SRFBP1: variants seen among roughly 807,000 people sequenced by gnomAD.
SRFBP1 encodes the protein serum response factor binding protein 1.
In SRFBP1, 47 loss-of-function variants were observed where a neutral mutation model predicts 45.5. The observed-to-expected ratio is 1.03, with a 90% CI of 0.82 to 1.32. SRFBP1 has a LOEUF of 1.32. Ranked by LOEUF, SRFBP1 falls within the 40% of genes most tolerant of loss-of-function variation. The probability of loss-of-function intolerance (pLI) is 0.00; values close to 1 mark genes in which losing one functional copy is unlikely to be tolerated. For synonymous variants in SRFBP1, 203 were observed against 166.3 expected (o/e 1.22, Z -1.70); for missense variants, 621 against 484.6 (o/e 1.28, Z -2.64).
chr5:122,018,910 GTCT>G (rs1348394860), intron 4 of SRFBP1, among the ~76,000 whole-genome samples: 4 of 152,054 alleles, frequency 2.6e-5, no homozygotes, highest in Admixed American at 1.3e-4. Context: ...TATTAATTTA[GTCT>G]TCTTAATTAG....
At chr5:122,037,743 C>T (rs1753716117) in intron 2 of SRFBP1, among the ~76,000 whole-genome samples, 1 of 151,970 alleles carries the variant, frequency 6.6e-6, no homozygotes, top group African/African-American at 2.4e-5. Flanking sequence ...ATCTCAAACG[C>T]CTGGCTTCAA....
At chr5:122,022,509 T>G (rs1455944493) in intron 7 of SRFBP1, 102 bp downstream of exon 7, 3 of 925,518 alleles carry the variant, frequency 3.2e-6, no homozygotes, top group African/African-American at 3.4e-5. Context: ...CTGAATGAAT[T>G]ATGTACCCAC....
rs186198465 is a variant in SRFBP1 at position 122,050,022 on chromosome 5, T to A, written n.312-25293T>A. Among the ~76,000 whole-genome samples, 252 of 152,288 alleles carry A rather than the reference T, an allele frequency of 1.7e-3. 2 individuals are homozygous for A. Among genetic ancestry groups the A allele is most frequent in the East Asian group, 3.1e-3 (16 of 5,190 alleles). ...ATAATCACGTGGTTATTATTTGTAG[T>A]TCTGCTTATGTGATTAATCATATTT... On this transcript the variant is annotated intron_variant and non_coding_transcript_variant, in intron 2 of 2. Transcript: ENST00000504881.
At chr5:122,048,192 T>C (rs1261534076) in intron 2 of SRFBP1, among the ~76,000 whole-genome samples, 1 of 152,222 alleles carries the variant, frequency 6.6e-6, no homozygotes, top group Non-Finnish European at 1.5e-5. Context: ...TTGTCGTAGA[T>C]AGCTCTTATT....
At chr5:122,017,104 CT>C (rs1728316716) in intron 4 of SRFBP1, among the ~76,000 whole-genome samples, 1 of 152,128 alleles carries the variant, frequency 6.6e-6, no homozygotes, top group Non-Finnish European at 1.5e-5. Flanking sequence ...TGGCGGGTGC[CT>C]GTAGTCCCAG....
In SRFBP1 at chr5:122,020,640, C is replaced by G. The variant is rs1298035997; in HGVS notation, c.905C>G (p.Ser302Cys). Residue 302 changes from serine to cysteine, a missense_variant, in exon 6 of 8, where the codon TCT becomes TGT. By Grantham distance (112) the Ser-to-Cys change is moderately radical. Transcript: ENST00000339397. ...RTRKKESSCH[S>C]SVKEQKPLEK... ...CGAAAGAAGGAAAGTAGTTGTCATT[C>G]TTCAGTTAAGGAACAAAAACCACTA... 2 of 1,613,982 alleles carry G rather than the reference C, an allele frequency of 1.2e-6. No individual in the cohort carries two copies. The highest frequency in any genetic ancestry group is 2.2e-5 in the South Asian group (2 of 91,046).
intron 4 of SRFBP1, among the ~76,000 whole-genome samples, chr5:122,009,419 TC>T (rs1021668212): frequency 3.3e-5 from 5 of 152,132 alleles, no homozygotes; most frequent in African/African-American, 7.2e-5. Flanking sequence ...CTCTTTCTTT[TC>T]CCCCCTTTTC....
intron 2 of SRFBP1, among the ~76,000 whole-genome samples, chr5:122,041,683 ACT>A (rs1291120450): frequency 1.3e-5 from 2 of 151,470 alleles, no homozygotes; most frequent in Non-Finnish European, 2.9e-5. Flanking sequence ...ACCTTACAAA[ACT>A]CTCATTATTT....
intron 1 of SRFBP1, among the ~76,000 whole-genome samples, chr5:121,964,215 C>CT (rs1752012380): frequency 6.6e-6 from 1 of 151,752 alleles, no homozygotes; most frequent in African/African-American, 2.4e-5. Context: ...TATATGTATA[C>CT]TTTAAGTTCT....
chr5:121,999,678 T>C (rs1204364301), intron 4 of SRFBP1, among the ~76,000 whole-genome samples: 1 of 152,108 alleles, frequency 6.6e-6, no homozygotes, highest in Non-Finnish European at 1.5e-5. Flanking sequence ...TCCTTTATAA[T>C]TATGTAATGG....
intron 2 of SRFBP1, among the ~76,000 whole-genome samples, chr5:122,049,089 CT>C (rs1446200017): frequency 1.3e-5 from 2 of 152,026 alleles, no homozygotes; most frequent in African/African-American, 4.8e-5. Flanking sequence ...CTTCTGCTAG[CT>C]TTTGAATGTG....
rs985456608 is a variant in SRFBP1 at position 122,020,402 on chromosome 5, G to A, written c.667G>A (p.Ala223Thr). 3.7e-6 allele frequency: 6 copies of A among 1,613,954 alleles called. No homozygotes were observed. In the African/African-American group the frequency reaches 8.0e-5, roughly 22 times the overall value. Residue 223 changes from alanine (A) to threonine (T), a missense_variant, in exon 6 of 8, where the codon GCT (alanine) becomes ACT (threonine). Coordinates refer to ENST00000339397, the MANE Select transcript of SRFBP1 (RefSeq NM_152546.3). The part of the protein sequence containing the change: ...VVSLESQKTP[A>T]DPKLKTLSQT... Reference sequence around the variant, plus strand: ...TTCCCTTGAGTCCCAGAAGACACCTGCTGACCCAAAACTGAAAACTCTAAG... The same window carrying A: ...TTCCCTTGAGTCCCAGAAGACACCTACTGACCCAAAACTGAAAACTCTAAG...
In SRFBP1 at chr5:121,975,345, A is replaced by C. The variant is rs762040289; in HGVS notation, c.156A>C (p.Gln52His). 12 of 1,613,286 alleles carry C rather than the reference A, an allele frequency of 7.4e-6. No individual in the cohort carries two copies. In the African/African-American group the frequency reaches 1.6e-4, roughly 22 times the overall value. Residue 52 changes from glutamine to histidine, a missense_variant, in exon 3 of 8, where the codon CAA becomes CAC. Physicochemically the swap from Gln to His is conservative, Grantham distance 24. Coordinates refer to ENST00000339397, the MANE Select transcript of SRFBP1 (RefSeq NM_152546.3). The stretch of plus-strand genomic sequence containing the variant: ...CTGAAGATGCACTGTTAAAAAACCA[A>C]AGACGGGCGCAAAGATTGCTTGAAG... Reference protein sequence around the residue: ...KGTEDALLKNQRRAQRLLEEI... With the variant: ...KGTEDALLKNHRRAQRLLEEI...
chr5:122,070,629 T>G, intron 2 of SRFBP1: 2 of 1,052,060 alleles, frequency 1.9e-6, no homozygotes, highest in Non-Finnish European at 2.9e-6. Context: ...TTATGGTATG[T>G]GGTCAGACTA....
intron 3 of SRFBP1, among the ~76,000 whole-genome samples, chr5:121,986,125 A>G (rs886513691): frequency 1.3e-5 from 2 of 152,028 alleles, no homozygotes; most frequent in Non-Finnish European, 2.9e-5. Flanking sequence ...TAGAAGAGAA[A>G]GAACTAGCAA....
At chr5:122,077,211 T>C, downstream of SRFBP1, 6 of 1,486,546 alleles carry the variant, frequency 4.0e-6, no homozygotes, top group South Asian at 2.7e-5. This position sits in a 1 kb window ranked among gnomAD's most constrained non-coding sequence, Gnocchi z 4.9. Flanking sequence ...TTGCACTGGA[T>C]TCCAGGGCTG....
intron 2 of SRFBP1, among the ~76,000 whole-genome samples, chr5:122,046,221 A>G (rs1753855784): frequency 6.7e-6 from 1 of 150,000 alleles, no homozygotes; most frequent in Non-Finnish European, 1.5e-5. Context: ...AACAGGCCCC[A>G]ATGTGTGATG....
intron 3 of SRFBP1, among the ~76,000 whole-genome samples, chr5:121,987,342 G>T (rs1752538992): frequency 6.6e-6 from 1 of 152,112 alleles, no homozygotes; most frequent in South Asian, 2.1e-4. Flanking sequence ...AGGAATAGGT[G>T]TAGGAAGAAG....
intron 4 of SRFBP1, among the ~76,000 whole-genome samples, chr5:122,014,861 A>T (rs1714861766): frequency 6.6e-6 from 1 of 152,230 alleles, no homozygotes; most frequent in Admixed American, 6.5e-5. Context: ...TCTGGAAAGA[A>T]ATACCCAGTT....
Sources: allele counts gnomAD v4.1 joint callset (sites outside exome capture counted in the v4.1 genomes callset), GRCh38; gene constraint gnomAD v4.1.1; non-coding constraint Gnocchi (gnomAD v3.1); transcripts MANE v1.5; gene names NCBI Gene and HGNC (gene_info 2026-07-23, HGNC 2026-07-21).